LRBA: variants seen among roughly 807,000 people sequenced by gnomAD.
The protein encoded by LRBA is lipopolysaccharide-responsive and beige-like anchor protein.
A neutral mutation model predicts 330.0 loss-of-function variants in LRBA; 176 were observed. That is an observed-to-expected ratio of 0.53 (90% confidence interval 0.47 to 0.60). The LOEUF (loss-of-function observed/expected upper bound fraction) is 0.60. LRBA is among the 20% of genes least tolerant of loss of function. The pLI is 0.00. For missense variants in LRBA, 3,259 were observed against 3,444.8 expected (o/e 0.95, Z 1.35); for synonymous variants, 1,230 against 1,193.0 (o/e 1.03, Z -0.64).
intron 47 of LRBA, among the ~76,000 whole-genome samples, chr4:150,411,526 T>G (rs557786381): frequency 6.6e-6 from 1 of 152,340 alleles, no homozygotes; most frequent in African/African-American, 2.4e-5. Flanking sequence ...CACTGTCCTA[T>G]AGATCATCTG....
chr4:150,852,858 G>A lies in LRBA; in HGVS notation c.2852C>T (p.Ser951Phe). 1.2e-6 allele frequency: 2 copies of A among 1,613,446 alleles called. No homozygotes were observed. The highest frequency in any genetic ancestry group is 1.7e-6 in the Non-Finnish European group (2 of 1,179,612). Residue 951 changes from serine (S) to phenylalanine (F), a missense_variant, in exon 23 of 57, where the codon TCT (serine) becomes TTT (phenylalanine). Transcript: ENST00000651943. ...GKVDEEIGLC[S>F]STSVQAASGI... is the part of the protein sequence containing the mutation. ...AGAGGCTGCTTGAACTGAAGTTGAA[G>A]AACACAGCCCTATTTCTTCATCAAC... is the stretch of plus-strand genomic sequence containing the variant.
intron 2 of LRBA, among the ~76,000 whole-genome samples, chr4:150,973,233 T>C (rs1254502036): frequency 6.6e-6 from 1 of 152,184 alleles, no homozygotes; most frequent in Non-Finnish European, 1.5e-5. Flanking sequence ...AATGGCATGA[T>C]CTCAGCTCAC....
In LRBA at chr4:150,861,272, T is replaced by G. The variant is rs986582147; in HGVS notation, c.2766+6399A>C. ...TGCATGCCACCATCCCAGCTAATGG[T>G]GTGTGTGTGTGTGTGTGTGTGTGTG... On this transcript the variant is annotated intron_variant, in intron 22 of 56. Transcript: ENST00000651943. Among the ~76,000 whole-genome samples, 18 of 108,304 alleles carry G rather than the reference T, an allele frequency of 1.7e-4. No individual in the cohort carries two copies. In the South Asian group the frequency reaches 2.5e-3, roughly 15 times the overall value. 71.1% of individuals were successfully genotyped at this position (108,304 alleles called of 152,430 possible). A position where few individuals can be genotyped will look rare whatever the true frequency, so the allele number is the denominator to read the frequency against.
chr4:150,372,116 G>A (rs1359215236), intron 47 of LRBA, among the ~76,000 whole-genome samples: 1 of 152,026 alleles, frequency 6.6e-6, no homozygotes, highest in Admixed American at 6.6e-5. Flanking sequence ...TCAGATGCTC[G>A]TTATGCTAAC....
At chr4:150,432,021 A>G (rs530721963) in intron 46 of LRBA, among the ~76,000 whole-genome samples, 1 of 152,264 alleles carries the variant, frequency 6.6e-6, no homozygotes, top group Non-Finnish European at 1.5e-5. Flanking sequence ...TTCTTTGAGT[A>G]TTGGGAAAAT....
At chr4:150,757,419 T>C (rs546653725) in intron 35 of LRBA, among the ~76,000 whole-genome samples, 3 of 152,306 alleles carry the variant, frequency 2.0e-5, no homozygotes, top group Admixed American at 1.3e-4. Flanking sequence ...GACCTTATGC[T>C]GTAGTCTGTC....
intron 53 of LRBA, among the ~76,000 whole-genome samples, chr4:150,293,166 T>G (rs763436306): frequency 2.6e-5 from 4 of 152,186 alleles, no homozygotes; most frequent in Non-Finnish European, 5.9e-5. Flanking sequence ...CTATTTTACA[T>G]GTGCCTTTTG....
intron 2 of LRBA, among the ~76,000 whole-genome samples, chr4:150,983,788 TA>T (rs1741128365): frequency 6.6e-6 from 1 of 150,618 alleles, no homozygotes; most frequent in Non-Finnish European, 1.5e-5. Context: ...AAAAAAAAAC[TA>T]CAATGGCTGA....
chr4:150,637,249 CTG>C lies in LRBA; in HGVS notation c.5922-38120_5922-38119del, dbSNP rs1283841280. On this transcript the variant is annotated intron_variant, in intron 37 of 56. Transcript: ENST00000651943. ...GCAAGTATCAGTTTGCCACAAAAAACTGGGGTTTATTTTGGGATTATCTGTTC... is the reference window on the plus strand; with the variant it reads ...GCAAGTATCAGTTTGCCACAAAAAACGGGTTTATTTTGGGATTATCTGTTC... Among the ~76,000 whole-genome samples the C allele has an allele frequency of 2.0e-5, 3 of 152,046 alleles. No individual in the cohort carries two copies. The East Asian group carries it at 5.8e-4, about 29-fold the overall frequency.
chr4:150,449,751 A>T (rs1230684833), intron 44 of LRBA, among the ~76,000 whole-genome samples: 1 of 152,104 alleles, frequency 6.6e-6, no homozygotes, highest in Non-Finnish European at 1.5e-5. Context: ...CACACTAACT[A>T]CCTGACATAA....
intron 47 of LRBA, among the ~76,000 whole-genome samples, chr4:150,397,521 T>A (rs902587992): frequency 2.0e-5 from 3 of 152,150 alleles, no homozygotes; most frequent in Non-Finnish European, 2.9e-5. Flanking sequence ...CAAGCAATCC[T>A]CCTCCCTTGG....
intron 32 of LRBA, among the ~76,000 whole-genome samples, chr4:150,807,474 T>A (rs1423872087): frequency 2.6e-5 from 4 of 152,174 alleles, no homozygotes; most frequent in Non-Finnish European, 5.9e-5. Context: ...TCAAGGACTC[T>A]CTGGACACTA....
intron 44 of LRBA, among the ~76,000 whole-genome samples, chr4:150,439,785 C>T (rs1400344057): frequency 2.0e-5 from 3 of 152,156 alleles, no homozygotes; most frequent in Non-Finnish European, 4.4e-5. Context: ...TCCTCAGCAG[C>T]TTCATAATAA....
intron 47 of LRBA, among the ~76,000 whole-genome samples, chr4:150,365,520 G>C (rs13127431): frequency 6.6e-6 from 1 of 151,870 alleles, no homozygotes; most frequent in African/African-American, 2.4e-5. Context: ...GGCTGGGCAC[G>C]GTGGCTCACG....
chr4:150,722,703 TAAC>T (rs1332781975), intron 36 of LRBA, among the ~76,000 whole-genome samples: 3 of 151,906 alleles, frequency 2.0e-5, no homozygotes, highest in Admixed American at 6.6e-5. Context: ...CACCAAATTT[TAAC>T]AACTATCTGC....
intron 35 of LRBA, among the ~76,000 whole-genome samples, chr4:150,754,066 CAA>C (rs113747160): frequency 1.7e-4 from 19 of 112,454 alleles, no homozygotes; most frequent in East Asian, 2.5e-4. Context: ...AGACTCCATC[CAA>C]AAAAAAAAAA....
intron 36 of LRBA, among the ~76,000 whole-genome samples, chr4:150,690,086 T>C (rs1783980742): frequency 6.6e-6 from 1 of 152,084 alleles, no homozygotes; most frequent in African/African-American, 2.4e-5. Context: ...GTATACAAAA[T>C]ATACAGTTTA....
At chr4:150,882,122 T>TA (rs1728468242) in intron 17 of LRBA, among the ~76,000 whole-genome samples, 2 of 152,106 alleles carry the variant, frequency 1.3e-5, no homozygotes, top group South Asian at 4.1e-4. Flanking sequence ...TTTCAAAAGA[T>TA]AAACTCTAGA....
intron 17 of LRBA, among the ~76,000 whole-genome samples, chr4:150,874,617 A>G (rs1202462903): frequency 6.6e-6 from 1 of 152,190 alleles, no homozygotes; most frequent in Admixed American, 6.5e-5. Context: ...TGCATGTGTC[A>G]TTGCTGGGTG....
Sources: allele counts gnomAD v4.1 joint callset (sites outside exome capture counted in the v4.1 genomes callset), GRCh38; gene constraint gnomAD v4.1.1; transcripts MANE v1.5; gene names NCBI Gene and HGNC (gene_info 2026-07-23, HGNC 2026-07-21).